The following PCDHA9 variants were observed in gnomAD, a reference collection of about 807,000 sequenced individuals.
The protein encoded by PCDHA9 is protocadherin alpha 9.
In PCDHA9, 62 loss-of-function variants were observed where a neutral mutation model predicts 62.0. The observed-to-expected ratio is 1.00, with a 90% CI of 0.81 to 1.23. The LOEUF (loss-of-function observed/expected upper bound fraction) is 1.23. PCDHA9 is among the 50% of genes most tolerant of loss of function. PCDHA9 has a pLI of 0.00. For missense variants in PCDHA9, 1,205 were observed against 1,249.8 expected (o/e 0.96, Z 0.54); for synonymous variants, 557 against 567.6 (o/e 0.98, Z 0.27).
intron 1 of PCDHA9, chr5:140,858,664 AATTT>A: frequency 1.4e-6 from 1 of 728,728 alleles, no homozygotes; most frequent in Non-Finnish European, 2.2e-6. Flanking sequence ...TTTAAATAAC[AATTT>A]ATTCTGAATA....
chr5:140,907,272 C>T (rs1164055585), intron 1 of PCDHA9, among the ~76,000 whole-genome samples: 1 of 152,224 alleles, frequency 6.6e-6, no homozygotes, highest in Non-Finnish European at 1.5e-5. Flanking sequence ...GCCATTCCAT[C>T]ATTCTATCAA....
intron 1 of PCDHA9, chr5:140,926,951 G>A: frequency 3.8e-6 from 6 of 1,596,266 alleles, no homozygotes; most frequent in South Asian, 1.1e-5. Context: ...GCTGCAGCGG[G>A]ACAGCTCGAG....
At chr5:140,935,639 T>A (rs1377571192) in intron 1 of PCDHA9, among the ~76,000 whole-genome samples, 2 of 152,192 alleles carry the variant, frequency 1.3e-5, no homozygotes, top group African/African-American at 4.8e-5. Context: ...AGGGCTTGCT[T>A]TTTAAATTTT....
chr5:140,872,320 A>G (rs1409087290), intron 1 of PCDHA9, among the ~76,000 whole-genome samples: 1 of 152,166 alleles, frequency 6.6e-6, no homozygotes, highest in Admixed American at 6.5e-5. Context: ...TATGGAAATA[A>G]TATGACTAAA....
At chr5:140,910,399 T>G (rs1461842314) in intron 1 of PCDHA9, among the ~76,000 whole-genome samples, 1 of 152,172 alleles carries the variant, frequency 6.6e-6, no homozygotes, top group East Asian at 1.9e-4. Context: ...GACTGGCCCC[T>G]GCCACCTCGA....
intron 1 of PCDHA9, among the ~76,000 whole-genome samples, chr5:140,916,649 G>A (rs1331435832): frequency 6.6e-6 from 1 of 152,166 alleles, no homozygotes; most frequent in Non-Finnish European, 1.5e-5. Flanking sequence ...TGGCTGAGCT[G>A]GTATCCAAGA....
intron 1 of PCDHA9, among the ~76,000 whole-genome samples, chr5:140,855,007 T>C (rs1224641648): frequency 6.7e-6 from 1 of 149,970 alleles, no homozygotes; most frequent in Non-Finnish European, 1.5e-5. Context: ...TAAGATATTA[T>C]AAAATGAAAC....
At chr5:140,854,178 A>ATT in intron 1 of PCDHA9, 1 of 531,178 alleles carries the variant, frequency 1.9e-6, no homozygotes, top group Non-Finnish European at 2.4e-6. Context: ...AAAAAAAAAG[A>ATT]GTAGTTTAAC....
intron 1 of PCDHA9, chr5:140,861,381 G>T: frequency 2.3e-6 from 1 of 433,922 alleles, no homozygotes; most frequent in African/African-American, 2.0e-5. Context: ...TATTGCGCAG[G>T]ACCTGGGTCT....
Position 140,881,379 on chromosome 5 carries a change from C to T in PCDHA9, c.2394+30490C>T, listed in dbSNP as rs1235654163. ...TGGCTTTCGTATGAATTGCAGCCGG[C>T]GGCGGTAAGTTAAATTCTATTAAAT... On this transcript the variant is annotated intron_variant, in intron 1 of 3. Transcript: ENST00000532602. The T allele has an allele frequency of 7.1e-6, 7 of 984,332 alleles. No individual in the cohort carries two copies. In the African/African-American group the frequency reaches 1.0e-4, roughly 15 times the overall value. 61.0% of individuals were successfully genotyped at this position (984,332 alleles called of 1,614,324 possible).
At chr5:140,869,561 C>T (rs781968482) in intron 1 of PCDHA9, 28 of 1,614,032 alleles carry the variant, frequency 1.7e-5, no homozygotes, top group Middle Eastern at 1.6e-4. Context: ...TCGCGTTTTC[C>T]ACTAGAGGGA....
intron 1 of PCDHA9, chr5:140,882,030 T>G (rs1582587950): frequency 3.3e-6 from 2 of 612,804 alleles, no homozygotes; most frequent in East Asian, 5.9e-5. Flanking sequence ...CAATGGAAAA[T>G]ATGAAGACTG....
At chr5:140,883,190 C>G in intron 1 of PCDHA9, 1 of 1,613,818 alleles carries the variant, frequency 6.2e-7, no homozygotes, top group Non-Finnish European at 8.5e-7. Context: ...AAAAGGCAAA[C>G]TAGATTTCGA....
intron 1 of PCDHA9, chr5:140,852,049 T>C (rs2042227542): frequency 2.2e-6 from 2 of 915,990 alleles, no homozygotes; most frequent in Non-Finnish European, 2.7e-6. Flanking sequence ...TGTTATGTGG[T>C]TTATATTTTT....
chr5:140,988,557 T>G (rs1236263807), intron 3 of PCDHA9, among the ~76,000 whole-genome samples: 3 of 152,190 alleles, frequency 2.0e-5, no homozygotes, highest in African/African-American at 7.2e-5. Context: ...CTTCATCTTC[T>G]TCTTGGGAAA....
chr5:140,902,622 A>C (rs1328816868), intron 1 of PCDHA9, among the ~76,000 whole-genome samples: 2 of 152,068 alleles, frequency 1.3e-5, no homozygotes, highest in Non-Finnish European at 2.9e-5. Flanking sequence ...TGGGTAAGTT[A>C]TTTAGTGGTG....
rs2150529065 is a variant in PCDHA9, at chr5:140,853,159, G to A, written c.2394+2270G>A. On this transcript the variant is annotated intron_variant, in intron 1 of 3. Coordinates refer to ENST00000532602, the MANE Select transcript of PCDHA9 (RefSeq NM_031857.2). ...CTCCCAAAATGCTGGGATTACAGGC[G>A]TGAGCCACCGCGCCTGGCCTAAAAT... is the stretch of plus-strand genomic sequence containing the variant. The A allele has an allele frequency of 3.8e-5, 35 of 925,908 alleles. 4 individuals are homozygous for A. In the African/African-American group the frequency reaches 3.9e-4, roughly 10 times the overall value. 57.4% of individuals were successfully genotyped at this position (925,908 alleles called of 1,614,324 possible).
chr5:140,907,087 G>A (rs1554192866), intron 1 of PCDHA9, among the ~76,000 whole-genome samples: 2 of 152,194 alleles, frequency 1.3e-5, no homozygotes, highest in Non-Finnish European at 2.9e-5. Flanking sequence ...GTGATGGTAA[G>A]TGGTGCCACT....
chr5:140,877,632 G>A (rs2057247482), intron 1 of PCDHA9: 2 of 1,613,768 alleles, frequency 1.2e-6, no homozygotes, highest in East Asian at 4.5e-5. Context: ...TGTACACTGC[G>A]CTGCGTTGCT....
Sources: gnomAD v4.1 joint callset for allele counts (sites outside exome capture counted in the v4.1 genomes callset) on GRCh38, gnomAD v4.1.1 for gene constraint, MANE v1.5 for transcripts, NCBI Gene and HGNC (gene_info 2026-07-23, HGNC 2026-07-21) for gene names.